The following ATG4A variants were observed in gnomAD, a reference collection of about 807,000 sequenced individuals.
The protein encoded by ATG4A is autophagy related 4A cysteine peptidase.
A neutral mutation model predicts 38.4 loss-of-function variants in ATG4A; 22 were observed. The ratio of observed to expected loss-of-function variants is 0.57; its 90% confidence interval spans 0.41 to 0.82. ATG4A has a LOEUF of 0.82. Ranked by LOEUF, ATG4A falls within the 40% of genes least tolerant of loss-of-function variation. The pLI is 0.00. For synonymous variants in ATG4A, 86 were observed against 100.7 expected (o/e 0.85, Z 0.88); for missense variants, 220 against 290.0 (o/e 0.76, Z 1.75).
At chrX:108,134,925 G>C (rs1441121181) in intron 6 of ATG4A, among the ~76,000 whole-genome samples, 1 of 111,929 alleles carries the variant, frequency 8.9e-6, no homozygotes, top group African/African-American at 3.3e-5. Context: ...CCACCTGTTG[G>C]GGGCGACAAA....
intron 1 of ATG4A, among the ~76,000 whole-genome samples, chrX:108,112,580 A>G (rs2032391214): frequency 9.1e-6 from 1 of 109,910 alleles, no homozygotes; most frequent in Non-Finnish European, 1.9e-5. Context: ...ATTTTTTAGT[A>G]GAGACGGGGT....
chrX:108,141,543 C>T (rs1162042991), intron 9 of ATG4A, among the ~76,000 whole-genome samples: 1 of 111,574 alleles, frequency 9.0e-6, no homozygotes, highest in African/African-American at 3.3e-5. Context: ...TTCCATTGCT[C>T]CCCCAGGGCC....
chrX:108,133,407 C>T (rs1175862375), intron 4 of ATG4A, among the ~76,000 whole-genome samples: 1 of 112,546 alleles, frequency 8.9e-6, no homozygotes, highest in African/African-American at 3.2e-5. Flanking sequence ...GGTATCCGTA[C>T]AGATGCAGTT....
At chrX:108,139,937 A>G (rs1356713790) in intron 9 of ATG4A, among the ~76,000 whole-genome samples, 3 of 111,110 alleles carry the variant, frequency 2.7e-5, no homozygotes, top group Non-Finnish European at 3.8e-5. Context: ...TTATGAGGGC[A>G]CTAATACATT....
At chrX:108,111,137 C>T (rs2032344275) in intron 1 of ATG4A, among the ~76,000 whole-genome samples, 1 of 111,852 alleles carries the variant, frequency 8.9e-6, no homozygotes, top group Non-Finnish European at 1.9e-5. Context: ...CTCCTGGGCT[C>T]AAGCACTCCC....
chrX:108,148,194 T>G (rs2033483557), intron 9 of ATG4A, among the ~76,000 whole-genome samples: 1 of 106,572 alleles, frequency 9.4e-6, no homozygotes, highest in Non-Finnish European at 1.9e-5. Context: ...GTCCAATGTT[T>G]GAGGGCAGGA....
At chrX:108,106,730 G>A (rs1276692939) in intron 1 of ATG4A, among the ~76,000 whole-genome samples, 1 of 111,872 alleles carries the variant, frequency 8.9e-6, no homozygotes, top group East Asian at 2.8e-4. Flanking sequence ...TGGACTCCAT[G>A]GTTCCTCTTA....
At chrX:108,103,774 C>T (rs1288997996) in intron 1 of ATG4A, among the ~76,000 whole-genome samples, 3 of 112,639 alleles carry the variant, frequency 2.7e-5, no homozygotes, top group Non-Finnish European at 5.6e-5. Context: ...ATCCACCCCA[C>T]ACTTTATGTT....
Position 108,137,157 on chromosome X carries a change from C to A in ATG4A, c.534C>A (p.Val178=). Residue 178 remains valine (V), a synonymous_variant, in exon 7 of 13, where the codon GTC becomes GTA. Transcript: ENST00000372232. ...AVYVSMDNTV[V]IEDIKKMCRV... ...ATGTTTCAATGGATAACACAGTGGT[C>A]ATTGAAGATATCAGTGAGTTACCAG... is the stretch of plus-strand genomic sequence containing the variant. 1 of 1,204,143 alleles carries A rather than the reference C, an allele frequency of 8.3e-7. No individual in the cohort carries two copies. Among genetic ancestry groups the A allele is most frequent in the South Asian group, 1.8e-5 (1 of 56,071 alleles).
At chrX:108,152,441 C>T (rs1407111040) in intron 11 of ATG4A, among the ~76,000 whole-genome samples, 1 of 110,957 alleles carries the variant, frequency 9.0e-6, no homozygotes, top group African/African-American at 3.3e-5. Context: ...ACCACATTGG[C>T]CAGGCTGGTC....
At chrX:108,130,195 A>G (rs1381486380) in intron 3 of ATG4A, among the ~76,000 whole-genome samples, 1 of 111,340 alleles carries the variant, frequency 9.0e-6, no homozygotes, top group Non-Finnish European at 1.9e-5. Flanking sequence ...TTCAGTCCCC[A>G]CAACTAAAAG....
intron 1 of ATG4A, among the ~76,000 whole-genome samples, chrX:108,119,478 C>T (rs1051032087): frequency 9.0e-6 from 1 of 111,544 alleles, no homozygotes; most frequent in African/African-American, 3.3e-5. Flanking sequence ...TTTCATGAAA[C>T]AATACTTCTT....
intron 1 of ATG4A, among the ~76,000 whole-genome samples, chrX:108,093,098 G>A (rs960369942): frequency 4.5e-5 from 5 of 111,365 alleles, no homozygotes. Context: ...CTGATTTCAA[G>A]TGCATAATTA....
intron 1 of ATG4A, among the ~76,000 whole-genome samples, chrX:108,110,418 T>C (rs2032326604): frequency 9.1e-6 from 1 of 110,079 alleles, no homozygotes; most frequent in African/African-American, 3.3e-5. Flanking sequence ...AATTAGCATA[T>C]CCATCATCTG....
intron 2 of ATG4A, among the ~76,000 whole-genome samples, chrX:108,127,253 A>G (rs2032823995): frequency 8.9e-6 from 1 of 112,054 alleles, no homozygotes; most frequent in Non-Finnish European, 1.9e-5. Context: ...AACGCCTCTT[A>G]AAATGAAATC....
rs1158448211 is a variant in ATG4A, at chrX:108,134,053, A to G, written c.293-4A>G. On this transcript the variant is annotated splice_polypyrimidine_tract_variant and splice_region_variant and intron_variant, in intron 4 of 12. Coordinates refer to ENST00000372232, the MANE Select transcript of ATG4A (RefSeq NM_052936.5). Reference sequence around the variant, plus strand: ...TTTCTAACCCATTTTTTTTTCTTAAAAAGACTGGAGCTGGGAGAAACAAAA... The same window carrying G: ...TTTCTAACCCATTTTTTTTTCTTAAGAAGACTGGAGCTGGGAGAAACAAAA... The G allele has an allele frequency of 8.4e-7, 1 of 1,184,588 alleles. No homozygotes were observed. Among genetic ancestry groups the G allele is most frequent in the African/African-American group, 1.8e-5 (1 of 55,363 alleles).
chrX:108,122,722 C>G (rs894182467), intron 1 of ATG4A, among the ~76,000 whole-genome samples: 5 of 112,042 alleles, frequency 4.5e-5, no homozygotes, highest in Non-Finnish European at 9.4e-5. Flanking sequence ...TCCCCAGGGC[C>G]TTTCTTTTGG....
At chrX:108,138,292 G>A (rs1212936417) in intron 9 of ATG4A, 101 bp downstream of exon 9, 83 of 730,865 alleles carry the variant, frequency 1.1e-4, no homozygotes, top group South Asian at 3.0e-4. Flanking sequence ...GTGGGTTCCC[G>A]TCTAGCCCAG....
chrX:108,137,043 A>G, intron 6 of ATG4A, 48 bp from the exon 7 acceptor site: 1 of 1,074,221 alleles, frequency 9.3e-7, no homozygotes, highest in East Asian at 3.1e-5. Flanking sequence ...TTTTCTGCTG[A>G]TATTTCCATC....
Sources: gnomAD v4.1 joint callset for allele counts (sites outside exome capture counted in the v4.1 genomes callset) on GRCh38, gnomAD v4.1.1 for gene constraint, MANE v1.5 for transcripts, NCBI Gene and HGNC (gene_info 2026-07-23, HGNC 2026-07-21) for gene names.